Variants in CCDC22 observed in about 807,000 individuals in gnomAD.
CCDC22 encodes coiled-coil domain-containing protein 22.
Under a neutral mutation model 53.1 loss-of-function variants are expected in CCDC22, and 4 were observed. The observed-to-expected ratio is 0.08, with a 90% confidence interval of 0.04 to 0.17. The LOEUF is 0.17. Among genes scored for constraint, CCDC22 ranks in the 10% least tolerant of loss-of-function variants. The pLI is 1.00. For missense variants in CCDC22, 458 were observed against 554.0 expected (o/e 0.83, Z 1.74); for synonymous variants, 222 against 224.4 (o/e 0.99, Z 0.10).
chrX:49,249,615 G>GGGGGGGGGGGGGGGGGGGGGGGGGGGGGC, intron 15 of CCDC22, 36 bp from the exon 16 acceptor site: 1 of 406,824 alleles, frequency 2.5e-6, no homozygotes. Flanking sequence ...GGGTGGGTGG[G>GGGGGGGGGGGGGGGGGGGGGGGGGGGGGC]ACTGGGTGCA....
rs144565952 is a variant in CCDC22, at chrX:49,248,899, G to A, written c.1514G>A (p.Arg505Gln). The change falls in exon 13 of 17, where the codon CGG becomes CAG. Residue 505 changes from arginine (R) to glutamine (Q), a missense_variant. Physicochemically the swap from Arg to Gln is conservative, Grantham distance 43 (BLOSUM62 1). Around this residue, in one of 4 missense-constraint regions of CCDC22, gnomAD observed 48 missense variants for 83.4 expected, o/e 0.58. Transcript: ENST00000376227. ...ATCCTGGAGATCGTGGGCAACATCC[G>A]GAAGCAGAAGGAAGAGATCACCAAG... ...QRILEIVGNI[R>Q]KQKEEITKIL... 3.9e-5 allele frequency: 47 copies of A among 1,208,233 alleles called. No individual in the cohort carries two copies. In the African/African-American group the frequency reaches 6.0e-4, roughly 15 times the overall value.
intron 14 of CCDC22, 63 bp downstream of exon 14, chrX:49,249,325 T>G: frequency 1.0e-6 from 1 of 983,886 alleles, no homozygotes; most frequent in Non-Finnish European, 1.4e-6. Context: ...GTGCATCTGC[T>G]AATTGGCTGG....
chrX:49,248,740 G>A lies in CCDC22; in HGVS notation c.1431+6G>A, dbSNP rs782655589. 1 of 1,208,862 alleles carries A rather than the reference G, an allele frequency of 8.3e-7. No individual in the cohort carries two copies. The highest frequency in any genetic ancestry group is 1.1e-6 in the Non-Finnish European group (1 of 894,098). On this transcript the variant is annotated splice_donor_region_variant and intron_variant, in intron 12 of 16. Coordinates refer to ENST00000376227, the MANE Select transcript of CCDC22 (RefSeq NM_014008.5). ...AGGAGGTCTATAAGCAGCTGGTAAG[G>A]CCTGTGTGAGGGACCTGGGTAGCTT...
In CCDC22 at chrX:49,248,653, G is replaced by A. The variant is rs138555929; in HGVS notation, c.1350G>A (p.Leu450=). Residue 450 remains leucine, a synonymous_variant, in exon 12 of 17, where the codon CTG becomes CTA. Coordinates refer to ENST00000376227, the MANE Select transcript of CCDC22 (RefSeq NM_014008.5). Reference sequence around the variant, plus strand: ...GGCAGCTGGAATCTTCTCGACGGCTGGCAGAGATCCAAGAACTGCACCAGA... The same window carrying A: ...GGCAGCTGGAATCTTCTCGACGGCTAGCAGAGATCCAAGAACTGCACCAGA... ...DCRELESSRR[L]AEIQELHQSV... 816 of 1,208,223 alleles carry A rather than the reference G, an allele frequency of 6.8e-4. No homozygotes were observed. Among genetic ancestry groups the A allele is most frequent in the Non-Finnish European group, 8.7e-4 (777 of 894,536 alleles).
rs782373509 is a variant in CCDC22, at chrX:49,249,716, C to T, written c.1761C>T (p.Leu587=). 20 of 1,204,774 alleles carry T rather than the reference C, an allele frequency of 1.7e-5. No individual in the cohort carries two copies. The Admixed American group carries it at 3.5e-4, about 21-fold the overall frequency. ...TGTIMREVRD[L]EEQIETELGK... Reference sequence around the variant, plus strand: ...CCATCATGCGGGAGGTTCGAGACCTCGAGGAGCAGGTGAGGCCTGGGGGCA... The same window carrying T: ...CCATCATGCGGGAGGTTCGAGACCTTGAGGAGCAGGTGAGGCCTGGGGGCA... The change falls in exon 16 of 17, where the codon CTC becomes CTT. Residue 587 remains leucine (L), a synonymous_variant. Transcript: ENST00000376227.
intron 6 of CCDC22, among the ~76,000 whole-genome samples, chrX:49,244,291 CTTT>C (rs781981204): frequency 2.7e-5 from 3 of 110,622 alleles, no homozygotes; most frequent in East Asian, 5.7e-4. Flanking sequence ...CTGTCTACTT[CTTT>C]ATCTGTCCCC....
chrX:49,246,680 G>C, intron 6 of CCDC22, 51 bp from the exon 7 acceptor site: 4 of 1,040,225 alleles, frequency 3.8e-6, no homozygotes, highest in Non-Finnish European at 5.1e-6. Context: ...AGGGCCTTGG[G>C]TGCTAGGTGG....
chrX:49,238,106 C>G (rs2065947099), intron 2 of CCDC22, among the ~76,000 whole-genome samples: 1 of 93,942 alleles, frequency 1.1e-5, no homozygotes, highest in Admixed American at 1.2e-4. Flanking sequence ...TGAAGTCTCT[C>G]TCTGTCACCC....
Position 49,248,390 on chromosome X carries a change from T to C in CCDC22, c.1213-17T>C. ...TGGAGGGCCCAGCCTGTGTGACATG[T>C]ACCCATCCCCCACCAGCTTGTGGTG... On this transcript the variant is annotated splice_polypyrimidine_tract_variant and intron_variant, in intron 10 of 16. Transcript: ENST00000376227. The C allele has an allele frequency of 8.3e-7, 1 of 1,207,175 alleles. No individual in the cohort carries two copies. The highest frequency in any genetic ancestry group is 1.1e-6 in the Non-Finnish European group (1 of 892,918).
chrX:49,242,786 T>C (rs1176529661), intron 3 of CCDC22, 100 bp from the exon 4 acceptor site: 3 of 469,976 alleles, frequency 6.4e-6, no homozygotes, highest in Non-Finnish European at 1.1e-5. Context: ...TAGATGTGTA[T>C]CTCTGGATGG....
intron 6 of CCDC22, among the ~76,000 whole-genome samples, chrX:49,246,072 A>C (rs2065988449): frequency 9.2e-6 from 1 of 108,360 alleles, no homozygotes; most frequent in South Asian, 3.9e-4. Flanking sequence ...TGCAACCTCC[A>C]CTTCCTGGGT....
rs797042658 is a variant in CCDC22 at position 49,235,826 on chromosome X, T to TACACACACACACAC, written c.50+165_50+178dup. 9.2e-4 allele frequency: 224 copies of TACACACACACACAC among 243,280 alleles called. 2 individuals carry two copies. The highest frequency in any genetic ancestry group is 8.6e-3 in the African/African-American group (192 of 22,366). The allele number at this position is 243,280 out of a possible 1,213,427, so 20.0% of individuals were successfully genotyped here. A position where few individuals can be genotyped will look rare whatever the true frequency, so the allele number is the denominator to read the frequency against. On this transcript the variant is annotated intron_variant, in intron 1 of 16. Transcript: ENST00000376227. ...CAGGATCCTAAGACCCTCACCCCCT[T>TACACACACACACAC]ACACACACACACACACACACACACA...
rs782173426 is a variant in CCDC22 at position 49,250,418 on chromosome X, TG to T, written c.*161del. ...CTGCCCACTGACCGCAACCCTTATA[TG>T]GGGTGATAGTCCAGCATGTGGGGAG... On this transcript the variant is annotated 3_prime_UTR_variant, in exon 17 of 17. Transcript: ENST00000376227. 3.9e-6 allele frequency: 2 copies of T among 510,976 alleles called. No homozygotes were observed. Among genetic ancestry groups the T allele is most frequent in the South Asian group, 2.5e-5 (1 of 40,048 alleles). 42.1% of individuals were successfully genotyped at this position (510,976 alleles called of 1,213,427 possible).
chrX:49,249,195 A>G lies in CCDC22; in HGVS notation c.1568A>G (p.Lys523Arg), dbSNP rs201855870. ...KILSDTKELQ[K>R]EINSLSGKLD... ...TTGTCTGATACGAAGGAGCTTCAGA[A>G]GGAAATCAACTCCCTATCTGGGAAG... is the stretch of plus-strand genomic sequence containing the variant. The change falls in exon 14 of 17, where the codon AAG becomes AGG. Residue 523 changes from lysine to arginine, a missense_variant. Physicochemically the swap from Lys to Arg is conservative, Grantham distance 26. Around this residue, in one of 4 missense-constraint regions of CCDC22, gnomAD observed 48 missense variants for 83.4 expected, o/e 0.58. Coordinates refer to ENST00000376227, the MANE Select transcript of CCDC22 (RefSeq NM_014008.5). 8.3e-7 allele frequency: 1 copy of G among 1,210,684 alleles called. No homozygotes were observed. The highest frequency in any genetic ancestry group is 1.1e-6 in the Non-Finnish European group (1 of 894,375).
In CCDC22 at chrX:49,248,192, C is replaced by G. The variant is rs1433480076; in HGVS notation, c.1094C>G (p.Ala365Gly). The G allele has an allele frequency of 8.3e-7, 1 of 1,200,179 alleles. No homozygotes were observed. The highest frequency in any genetic ancestry group is 1.8e-5 in the African/African-American group (1 of 57,048). The change falls in exon 10 of 17, where the codon GCA becomes GGA. Residue 365 changes from alanine (A) to glycine (G), a missense_variant and splice_region_variant. Physicochemically the swap from Ala to Gly is moderately conservative, Grantham distance 60. Transcript: ENST00000376227. ...TGTGACTGGGTATCCACCGGCCAGGCAGAGTCTGAGTGCCGGCACAGCAAG... is the reference window on the plus strand; with the variant it reads ...TGTGACTGGGTATCCACCGGCCAGGGAGAGTCTGAGTGCCGGCACAGCAAG... ...MKTLGVSFVQ[A>G]ESECRHSKLS...
At chrX:49,238,082 T>C (rs1402779561) in intron 2 of CCDC22, among the ~76,000 whole-genome samples, 4 of 103,005 alleles carry the variant, frequency 3.9e-5, no homozygotes, top group African/African-American at 1.4e-4. Context: ...TTTCTTTTTT[T>C]TTTTTTTTTG....
At chrX:49,249,479 G>A in intron 14 of CCDC22, 30 bp from the exon 15 acceptor site, 1 of 1,197,843 alleles carries the variant, frequency 8.3e-7, no homozygotes, top group Non-Finnish European at 1.1e-6. Flanking sequence ...GCAGCCCACT[G>A]ATACCTTTGA....
At position 49,248,275 on chromosome X, in the gene CCDC22, C is replaced by T; in HGVS notation, c.1177C>T (p.Leu393=). Residue 393 remains leucine, a synonymous_variant, in exon 10 of 17, where the codon CTG becomes TTG. Transcript: ENST00000376227. ...LRLKSRAVEL[L]PDGTANLAKL... Reference sequence around the variant, plus strand: ...CCTGAAGAGCCGCGCGGTGGAGCTGCTGCCCGATGGGACTGCCAACCTTGC... The same window carrying T: ...CCTGAAGAGCCGCGCGGTGGAGCTGTTGCCCGATGGGACTGCCAACCTTGC... The T allele has an allele frequency of 8.4e-7, 1 of 1,195,432 alleles. No individual in the cohort carries two copies. The highest frequency in any genetic ancestry group is 1.8e-5 in the African/African-American group (1 of 55,959).
chrX:49,237,616 A>T, intron 2 of CCDC22, among the ~76,000 whole-genome samples: 1 of 111,555 alleles, frequency 9.0e-6, no homozygotes, highest in Non-Finnish European at 1.9e-5. Flanking sequence ...CCTGGCTTCT[A>T]TGTTTTAAAT....
Sources: allele counts gnomAD v4.1 joint callset (sites outside exome capture counted in the v4.1 genomes callset), GRCh38; gene constraint gnomAD v4.1.1; regional missense constraint gnomAD v4.1.1; transcripts MANE v1.5; gene names NCBI Gene and HGNC (gene_info 2026-07-23, HGNC 2026-07-21).